The following SGCZ variants were observed in gnomAD, a reference collection of about 807,000 sequenced individuals.
SGCZ encodes sarcoglycan zeta, also known as zeta-sarcoglycan.
SGCZ carries 40 observed loss-of-function variants against 41.3 expected under a neutral mutation model. The ratio of observed to expected loss-of-function variants is 0.97; its 90% CI spans 0.75 to 1.26. The LOEUF is 1.26. SGCZ is among the 50% of genes most tolerant of loss of function. The probability of loss-of-function intolerance (pLI) is 0.00; values close to 1 mark genes in which losing one functional copy is unlikely to be tolerated. For synonymous variants in SGCZ, 206 were observed against 137.5 expected, an observed-to-expected ratio of 1.50 and a Z score of -3.49; for missense variants, 552 against 369.8, an observed-to-expected ratio of 1.49 and a Z score of -4.04.
intron 1 of SGCZ, among the ~76,000 whole-genome samples, chr8:14,785,598 G>A (rs1800744695): frequency 6.6e-6 from 1 of 152,118 alleles, no homozygotes; most frequent in Non-Finnish European, 1.5e-5. Flanking sequence ...ACCCCAGCAT[G>A]TGGATCTTTA....
At chr8:14,333,998 G>C (rs919855345) in intron 2 of SGCZ, among the ~76,000 whole-genome samples, 3 of 152,150 alleles carry the variant, frequency 2.0e-5, no homozygotes, top group African/African-American at 7.2e-5. Context: ...TGCTTTACGG[G>C]TGTCACTTCC....
At chr8:14,806,842 G>A (rs1231465053) in intron 1 of SGCZ, among the ~76,000 whole-genome samples, 1 of 151,480 alleles carries the variant, frequency 6.6e-6, no homozygotes, top group Non-Finnish European at 1.5e-5. Flanking sequence ...ATAAAATACT[G>A]GCAAAACGAA....
At chr8:14,621,570 A>G (rs1806286651) in intron 1 of SGCZ, among the ~76,000 whole-genome samples, 1 of 152,196 alleles carries the variant, frequency 6.6e-6, no homozygotes, top group African/African-American at 2.4e-5. Context: ...CTTAACAAGA[A>G]GCATGACCGG....
intron 5 of SGCZ, among the ~76,000 whole-genome samples, chr8:14,150,920 G>T (rs1480700789): frequency 1.3e-5 from 2 of 152,108 alleles, no homozygotes; most frequent in Non-Finnish European, 2.9e-5. Flanking sequence ...ACTAAGCCAG[G>T]CACAGAAAGA....
chr8:14,908,689 G>A (rs1799190809), intron 1 of SGCZ, among the ~76,000 whole-genome samples: 1 of 144,462 alleles, frequency 6.9e-6, no homozygotes. Context: ...GGCGGAGCTT[G>A]CAGTGAGCCG....
intron 4 of SGCZ, among the ~76,000 whole-genome samples, chr8:14,207,419 C>G (rs76538245): frequency 0.036 from 5,432 of 152,206 alleles, 279 homozygotes; most frequent in East Asian, 0.2. Flanking sequence ...TTATTGCAAA[C>G]ATATTGTAAA....
intron 1 of SGCZ, among the ~76,000 whole-genome samples, chr8:14,886,123 G>A (rs1249657973): frequency 1.3e-5 from 2 of 148,490 alleles, no homozygotes; most frequent in African/African-American, 2.5e-5. Context: ...TCTATCCCAT[G>A]CATGCTCATA....
chr8:14,838,321 T>C (rs947502342), intron 1 of SGCZ, among the ~76,000 whole-genome samples: 8 of 152,092 alleles, frequency 5.3e-5, no homozygotes, highest in Non-Finnish European at 1.0e-4. Flanking sequence ...AAAACAACCC[T>C]CTCTGGCTAT....
intron 2 of SGCZ, among the ~76,000 whole-genome samples, chr8:14,512,327 T>C (rs572002296): frequency 1.3e-5 from 2 of 152,302 alleles, no homozygotes; most frequent in East Asian, 3.9e-4. Flanking sequence ...ATTACACCCA[T>C]GAAGATCTCC....
intron 1 of SGCZ, among the ~76,000 whole-genome samples, chr8:14,633,071 T>A (rs907758178): frequency 2.6e-5 from 4 of 152,062 alleles, no homozygotes; most frequent in Non-Finnish European, 4.4e-5. Context: ...TTTATACCTG[T>A]CTTGTAACTG....
intron 1 of SGCZ, among the ~76,000 whole-genome samples, chr8:15,082,237 AT>A (rs760707756): frequency 2.6e-5 from 4 of 152,200 alleles, no homozygotes; most frequent in South Asian, 4.1e-4. Context: ...TCAAAAAAAA[AT>A]AAATAAATAA....
chr8:14,877,124 C>A (rs1804391700), intron 1 of SGCZ, among the ~76,000 whole-genome samples: 1 of 152,150 alleles, frequency 6.6e-6, no homozygotes, highest in African/African-American at 2.4e-5. Flanking sequence ...CAGGTGCGCA[C>A]TACCATGCCC....
intron 2 of SGCZ, among the ~76,000 whole-genome samples, chr8:14,479,373 T>C (rs950002145): frequency 5.3e-5 from 8 of 152,172 alleles, no homozygotes; most frequent in African/African-American, 1.9e-4. Context: ...TTGCTCCGCC[T>C]GCTTTTATTT....
chr8:14,665,602 A>G, intron 1 of SGCZ, among the ~76,000 whole-genome samples: 1 of 152,184 alleles, frequency 6.6e-6, no homozygotes, highest in East Asian at 1.9e-4. Flanking sequence ...TGTTCAATAG[A>G]CATTAGATAT....
intron 1 of SGCZ, among the ~76,000 whole-genome samples, chr8:15,235,524 C>A (rs1367811123): frequency 1.3e-5 from 2 of 152,174 alleles, no homozygotes; most frequent in Admixed American, 1.3e-4. Flanking sequence ...AGTTCCCTAC[C>A]CTCTGCTGCC....
intron 2 of SGCZ, among the ~76,000 whole-genome samples, chr8:14,470,191 C>T (rs1213021322): frequency 2.0e-5 from 3 of 152,066 alleles, no homozygotes; most frequent in African/African-American, 7.2e-5. Flanking sequence ...GGAAAAACTT[C>T]TCGCAACGTT....
At chr8:14,964,505 G>C (rs575515707) in intron 1 of SGCZ, among the ~76,000 whole-genome samples, 1 of 152,292 alleles carries the variant, frequency 6.6e-6, no homozygotes, top group African/African-American at 2.4e-5. Flanking sequence ...TTTGCATGCA[G>C]GAATTTCATT....
At chr8:14,694,781 A>C (rs1585188428) in intron 1 of SGCZ, among the ~76,000 whole-genome samples, 1 of 152,196 alleles carries the variant, frequency 6.6e-6, no homozygotes, top group East Asian at 1.9e-4. Context: ...TTCTTTTCAC[A>C]TTTCTAAAAG....
intron 1 of SGCZ, among the ~76,000 whole-genome samples, chr8:15,156,647 A>C (rs1585621841): frequency 2.0e-5 from 3 of 152,332 alleles, no homozygotes; most frequent in Admixed American, 6.5e-5. Context: ...TACCAATGTA[A>C]AGAAAGCACT....
Sources: gnomAD v4.1 joint callset for allele counts (sites outside exome capture counted in the v4.1 genomes callset) on GRCh38, gnomAD v4.1.1 for gene constraint, MANE v1.5 for transcripts, NCBI Gene and HGNC (gene_info 2026-07-23, HGNC 2026-07-21) for gene names.